TJP1: variants seen among roughly 807,000 people sequenced by gnomAD.
TJP1 encodes tight junction protein ZO-1.
TJP1 carries 43 observed loss-of-function variants against 194.2 expected under a neutral mutation model. The ratio of observed to expected loss-of-function variants is 0.22; its 90% CI spans 0.17 to 0.29. The LOEUF (loss-of-function observed/expected upper bound fraction) is 0.29, where lower values mean the gene tolerates loss of function less well. TJP1 is among the 10% of genes least tolerant of loss of function. The pLI is 1.00. For missense variants in TJP1, 1,971 were observed against 2,185.7 expected, an observed-to-expected ratio of 0.90 and a Z score of 1.96; for synonymous variants, 801 against 779.0, an observed-to-expected ratio of 1.03 and a Z score of -0.47.
chr15:29,807,848 G>A (rs900848273), intron 1 of TJP1, among the ~76,000 whole-genome samples: 3 of 151,932 alleles, frequency 2.0e-5, no homozygotes, highest in Non-Finnish European at 4.4e-5. Flanking sequence ...AAATATTTAC[G>A]TACTCAGAAA....
intron 8 of TJP1, among the ~76,000 whole-genome samples, chr15:29,744,681 G>T (rs1344529058): frequency 6.6e-6 from 1 of 151,816 alleles, no homozygotes; most frequent in Non-Finnish European, 1.5e-5. Flanking sequence ...AATATAAAAA[G>T]CTCTCTAATT....
chr15:29,785,725 A>C (rs372489814), intron 2 of TJP1, among the ~76,000 whole-genome samples: 173 of 152,164 alleles, frequency 1.1e-3, no homozygotes, highest in African/African-American at 3.9e-3. Flanking sequence ...CTTCCTATTA[A>C]CCTTTCAATG....
Position 29,800,704 on chromosome 15 carries a change from T to C in TJP1, c.28-2A>G. On this transcript the variant is annotated splice_acceptor_variant, in intron 1 of 27. Transcript: ENST00000614355. LOFTEE classifies it high-confidence loss of function. Reference sequence around the variant, plus strand: ...AGCTGTTTCCTCCATTGCTGTGCTCTGATAAAGGAAAAGAAAAACAAATCA... The same window carrying C: ...AGCTGTTTCCTCCATTGCTGTGCTCCGATAAAGGAAAAGAAAAACAAATCA... The C allele has an allele frequency of 1.2e-6, 2 of 1,613,328 alleles. No homozygotes were observed. The highest frequency in any genetic ancestry group is 1.7e-6 in the Non-Finnish European group (2 of 1,179,822).
At chr15:29,776,574 A>G (rs1030395297) in intron 2 of TJP1, among the ~76,000 whole-genome samples, 1 of 152,220 alleles carries the variant, frequency 6.6e-6, no homozygotes, top group Admixed American at 6.5e-5. Context: ...AAACCATATC[A>G]TTCAACTGTC....
chr15:29,701,765 A>G (rs992669660), intron 27 of TJP1, 76 bp from the exon 28 acceptor site: 7 of 1,028,682 alleles, frequency 6.8e-6, no homozygotes, highest in Non-Finnish European at 1.0e-5. Flanking sequence ...TTATAGGGCA[A>G]ATACGTATAT....
intron 2 of TJP1, among the ~76,000 whole-genome samples, chr15:29,908,022 T>C (rs1719370): frequency 1.9e-5 from 1 of 52,918 alleles, no homozygotes. Context: ...ATTTGGAAGA[T>C]AAAGTTGAGA....
chr15:29,796,848 G>A (rs1225368592), intron 2 of TJP1, among the ~76,000 whole-genome samples: 2 of 152,064 alleles, frequency 1.3e-5, no homozygotes, highest in African/African-American at 4.8e-5. Context: ...CCAGACAAGG[G>A]AGTCCAGAAA....
At chr15:29,954,181 A>T (rs2055857580) in intron 2 of TJP1, among the ~76,000 whole-genome samples, 1 of 152,210 alleles carries the variant, frequency 6.6e-6, no homozygotes, top group Non-Finnish European at 1.5e-5. Flanking sequence ...GGGAGAAAAT[A>T]AACTCTCCAT....
chr15:29,738,623 A>G (rs1424525235), intron 10 of TJP1, among the ~76,000 whole-genome samples: 3 of 152,066 alleles, frequency 2.0e-5, no homozygotes, highest in Non-Finnish European at 2.9e-5. Flanking sequence ...AAATGGTCCA[A>G]GCCCCTTGGT....
chr15:29,711,137 C>G (rs2042220377), intron 23 of TJP1, 137 bp from the exon 24 acceptor site: 1 of 922,520 alleles, frequency 1.1e-6, no homozygotes, highest in East Asian at 2.7e-5. Context: ...GTATGGGTAG[C>G]TACTCTACCA....
intron 2 of TJP1, among the ~76,000 whole-genome samples, chr15:29,793,713 C>T (rs1250064734): frequency 6.6e-6 from 1 of 152,180 alleles, no homozygotes; most frequent in Non-Finnish European, 1.5e-5. Flanking sequence ...GAGAACTCCA[C>T]TCCTATGATC....
intron 23 of TJP1, among the ~76,000 whole-genome samples, chr15:29,713,485 T>C (rs2042366493): frequency 6.6e-6 from 1 of 152,244 alleles, no homozygotes; most frequent in African/African-American, 2.4e-5. Context: ...TCACCATTTC[T>C]GAGGTGTGTT....
chr15:29,730,870 C>T lies in TJP1; in HGVS notation c.2017+1563G>A, dbSNP rs564777720. The T allele has an allele frequency of 8.0e-6, 10 of 1,243,392 alleles. No individual in the cohort carries two copies. The East Asian group carries it at 2.1e-4, about 26-fold the overall frequency. 77.0% of individuals were successfully genotyped at this position (1,243,392 alleles called of 1,614,324 possible). ...CCTGCAAAGAAGGGAGAGAAGGTAC[C>T]CAAAGGGAAAAAGGGAAAAGCTGAT... On this transcript the variant is annotated intron_variant, in intron 15 of 27. Transcript: ENST00000614355.
chr15:29,908,911 T>A (rs916773084), intron 2 of TJP1, among the ~76,000 whole-genome samples: 2 of 151,736 alleles, frequency 1.3e-5, no homozygotes, highest in Non-Finnish European at 2.9e-5. Flanking sequence ...TCCCAGCACT[T>A]TGGGAGGCCA....
At chr15:29,968,016 G>A (rs2056388902) in intron 1 of TJP1, 1 of 951,892 alleles carries the variant, frequency 1.1e-6, no homozygotes. Flanking sequence ...TTAATAAAAT[G>A]CAATATACAA....
intron 2 of TJP1, among the ~76,000 whole-genome samples, chr15:29,833,366 T>C (rs997287992): frequency 1.4e-4 from 21 of 152,158 alleles, no homozygotes; most frequent in African/African-American, 4.6e-4. Context: ...TAGTTAAATA[T>C]TTCTCCATAA....
chr15:29,850,559 A>T (rs1356531279), intron 2 of TJP1, among the ~76,000 whole-genome samples: 2 of 150,576 alleles, frequency 1.3e-5, no homozygotes, highest in South Asian at 2.1e-4. Context: ...CTGGTCTTGA[A>T]CTCCTGACCT....
At chr15:29,906,468 AAAAT>A (rs71103415) in intron 2 of TJP1, among the ~76,000 whole-genome samples, 3,908 of 138,904 alleles carry the variant, frequency 0.028, 64 homozygotes, top group African/African-American at 0.039. Flanking sequence ...ACTCCGTCTC[AAAAT>A]AAATAAATAA....
chr15:29,771,403 T>C (rs934485138), intron 4 of TJP1, among the ~76,000 whole-genome samples: 11 of 152,206 alleles, frequency 7.2e-5, no homozygotes, highest in African/African-American at 2.7e-4. Flanking sequence ...TACAGTACTA[T>C]AATCTTATGG....
Sources: gnomAD v4.1 joint callset for allele counts (sites outside exome capture counted in the v4.1 genomes callset) on GRCh38, gnomAD v4.1.1 for gene constraint, MANE v1.5 for transcripts, NCBI Gene and HGNC (gene_info 2026-07-23, HGNC 2026-07-21) for gene names.